MAF: variants seen among roughly 807,000 people sequenced by gnomAD.
The protein encoded by MAF is MAF bZIP transcription factor.
Under a neutral mutation model 22.0 loss-of-function variants are expected in MAF, and 10 were observed. That is an observed-to-expected ratio of 0.45 (90% CI 0.28 to 0.77). The LOEUF (loss-of-function observed/expected upper bound fraction) is 0.77, where lower values mean the gene tolerates loss of function less well. MAF is among the 30% of genes least tolerant of loss of function. The pLI is 0.12. For missense variants in MAF, 544 were observed against 548.4 expected (o/e 0.99, Z 0.08); for synonymous variants, 337 against 255.8 (o/e 1.32, Z -3.03).
chr16:79,204,908 T>G, the MAF span: 78 of 152,360 alleles, frequency 5.1e-4, no homozygotes, highest in African/African-American at 1.5e-3. Context: ...TTGCTGGCTT[T>G]CCAATTCATT....
At chr16:79,513,616 C>T in the MAF span, among the ~76,000 whole-genome samples, 3 of 152,142 alleles carry the variant, frequency 2.0e-5, no homozygotes, top group Admixed American at 6.5e-5. Flanking sequence ...TGACCAGTTG[C>T]GGAATCTCAG....
the MAF span, among the ~76,000 whole-genome samples, chr16:79,414,922 T>C: frequency 9.2e-5 from 14 of 152,354 alleles, no homozygotes; most frequent in East Asian, 2.5e-3. Context: ...GGGATTTCCA[T>C]GTCATAGGGT....
chr16:79,549,629 A>C, the MAF span, among the ~76,000 whole-genome samples: 4 of 152,158 alleles, frequency 2.6e-5, no homozygotes, highest in African/African-American at 9.7e-5. Context: ...TTTCGGATAG[A>C]CACTCACTTG....
chr16:79,220,264 A>AG, the MAF span, among the ~76,000 whole-genome samples: 1 of 151,338 alleles, frequency 6.6e-6, no homozygotes, highest in East Asian at 1.9e-4. Context: ...TCAAAAAAAA[A>AG]AAAAAAAAAA....
chr16:79,564,969 T>C, the MAF span, among the ~76,000 whole-genome samples: 1 of 152,142 alleles, frequency 6.6e-6, no homozygotes, highest in East Asian at 1.9e-4. Context: ...ACCTCGAACC[T>C]TACACATGTC....
At chr16:79,576,677 C>A in the MAF span, among the ~76,000 whole-genome samples, 1 of 152,044 alleles carries the variant, frequency 6.6e-6, no homozygotes, top group African/African-American at 2.4e-5. Context: ...GATTCTAAAA[C>A]AAACCAAGGC....
chr16:79,414,107 C>A, the MAF span, among the ~76,000 whole-genome samples: 1 of 152,194 alleles, frequency 6.6e-6, no homozygotes, highest in Non-Finnish European at 1.5e-5. Flanking sequence ...ATACCTCATA[C>A]ATTCTCTTAC....
chr16:79,597,467 TG>T, intron 1 of MAF: 2 of 1,026,194 alleles, frequency 1.9e-6, no homozygotes, highest in Non-Finnish European at 2.3e-6. Flanking sequence ...GTCCCCAAAG[TG>T]GGGCGTCATT....
the MAF span, among the ~76,000 whole-genome samples, chr16:79,421,184 T>C: frequency 2.6e-5 from 4 of 152,196 alleles, no homozygotes; most frequent in African/African-American, 9.6e-5. Context: ...GAGAAAACAA[T>C]ATACATTGCG....
the MAF span, among the ~76,000 whole-genome samples, chr16:79,445,836 T>A: frequency 6.6e-6 from 1 of 152,250 alleles, no homozygotes; most frequent in Non-Finnish European, 1.5e-5. Context: ...GTATTATAGA[T>A]GTTATTTCAA....
chr16:79,396,660 A>G, the MAF span, among the ~76,000 whole-genome samples: 14 of 152,352 alleles, frequency 9.2e-5, no homozygotes, highest in Admixed American at 6.5e-4. Context: ...CATAAGGGGC[A>G]GAAGAATGCG....
the MAF span, among the ~76,000 whole-genome samples, chr16:79,371,158 G>C: frequency 6.6e-6 from 1 of 151,966 alleles, no homozygotes; most frequent in Non-Finnish European, 1.5e-5. Flanking sequence ...TTTGGTGGGA[G>C]TGCCTGGAGG....
the MAF span, among the ~76,000 whole-genome samples, chr16:79,326,109 T>C: frequency 6.6e-6 from 1 of 152,202 alleles, no homozygotes; most frequent in African/African-American, 2.4e-5. Flanking sequence ...CCACAAAATA[T>C]AGTTTTGCCC....
At chr16:79,560,419 C>G in the MAF span, among the ~76,000 whole-genome samples, 1 of 145,992 alleles carries the variant, frequency 6.8e-6, no homozygotes, top group Non-Finnish European at 1.5e-5. Flanking sequence ...AAAAAGCAAG[C>G]TGAAAAAAAA....
chr16:79,307,088 C>T, the MAF span, among the ~76,000 whole-genome samples: 4 of 152,206 alleles, frequency 2.6e-5, no homozygotes, highest in Admixed American at 1.3e-4. Flanking sequence ...AAAAACCTGA[C>T]CTTCTTTTTC....
chr16:79,414,227 G>A, the MAF span, among the ~76,000 whole-genome samples: 2 of 152,142 alleles, frequency 1.3e-5, no homozygotes, highest in Non-Finnish European at 2.9e-5. Context: ...ACCTGAGGAT[G>A]GGCAATTCAC....
the MAF span, among the ~76,000 whole-genome samples, chr16:79,343,308 C>T: frequency 1.3e-5 from 2 of 151,866 alleles, no homozygotes; most frequent in African/African-American, 2.4e-5. Context: ...ATGAGTGTCT[C>T]GCAGCATAGA....
At chr16:79,472,821 GAGAA>G in the MAF span, among the ~76,000 whole-genome samples, 1 of 151,766 alleles carries the variant, frequency 6.6e-6, no homozygotes, top group Non-Finnish European at 1.5e-5. Context: ...GAAAGAAAGA[GAGAA>G]AGAAAGAAAA....
chr16:79,273,222 G>A, the MAF span, among the ~76,000 whole-genome samples: 255 of 152,154 alleles, frequency 1.7e-3, no homozygotes, highest in African/African-American at 5.6e-3. Context: ...CCCCAACCCC[G>A]GCTGAGACAC....
Sources: allele counts gnomAD v4.1 joint callset (sites outside exome capture counted in the v4.1 genomes callset), GRCh38; gene constraint gnomAD v4.1.1; transcripts MANE v1.5; gene names NCBI Gene and HGNC (gene_info 2026-07-23, HGNC 2026-07-21).